Variants in KIAA1210 observed in about 807,000 individuals in gnomAD.
KIAA1210 encodes acrosomal protein KIAA1210.
In KIAA1210, 48 loss-of-function variants were observed where a neutral mutation model predicts 78.9. The observed-to-expected ratio is 0.61, with a 90% CI of 0.48 to 0.77. The LOEUF (loss-of-function observed/expected upper bound fraction) is 0.77, where lower values mean the gene tolerates loss of function less well. Among genes scored for constraint, KIAA1210 ranks in the 30% least tolerant of loss-of-function variants. KIAA1210 has a pLI of 0.00. For missense variants in KIAA1210, 1,108 were observed against 1,100.0 expected, an observed-to-expected ratio of 1.01 and a Z score of -0.10; for synonymous variants, 406 against 404.5, an observed-to-expected ratio of 1.00 and a Z score of -0.04.
chrX:119,109,158 A>G lies in KIAA1210; in HGVS notation c.275T>C (p.Ile92Thr), dbSNP rs1356566498. Reference protein sequence around the residue: ...MGSKALSHDSIFMLGPEPERS... With the variant: ...MGSKALSHDSTFMLGPEPERS... ...TTCAGGCTCAGGACCCAACATGAAG[A>G]TGCTATCATGGGATAGGGCTTTGCT... Residue 92 changes from isoleucine to threonine, a missense_variant, in exon 4 of 12, where the codon ATC becomes ACC. Coordinates refer to ENST00000691062, the MANE Select transcript of KIAA1210 (RefSeq NM_001394962.1). 8.3e-7 allele frequency: 1 copy of G among 1,205,160 alleles called. No homozygotes were observed. The highest frequency in any genetic ancestry group is 1.1e-6 in the Non-Finnish European group (1 of 892,307).
intron 2 of KIAA1210, among the ~76,000 whole-genome samples, chrX:119,135,393 A>G (rs1286956178): frequency 1.8e-5 from 2 of 112,074 alleles, no homozygotes; most frequent in African/African-American, 6.5e-5. Context: ...CTAGATACAT[A>G]TATTGTGATG....
At chrX:119,125,999 A>G (rs1039175660) in intron 1 of KIAA1210, among the ~76,000 whole-genome samples, 2 of 104,365 alleles carry the variant, frequency 1.9e-5, no homozygotes, top group African/African-American at 7.0e-5. Context: ...GCAAGCAGAG[A>G]CTTTGTGCCT....
chrX:119,088,717 G>T lies in KIAA1210; in HGVS notation c.1985C>A (p.Ser662Tyr), dbSNP rs749889066. The T allele has an allele frequency of 6.3e-5, 76 of 1,208,818 alleles. No homozygotes were observed. The highest frequency in any genetic ancestry group is 7.5e-5 in the Non-Finnish European group (67 of 894,655). ...ATCTTCAGGCTCCTCTAAAGCCTGGGAGAGGCATCTGAGGTCCAGCTCCTC... is the reference window on the plus strand; with the variant it reads ...ATCTTCAGGCTCCTCTAAAGCCTGGTAGAGGCATCTGAGGTCCAGCTCCTC... ...SEEELDLRCL[S>Y]QALEEPEDAE... Residue 662 changes from serine (S) to tyrosine (Y), a missense_variant, in exon 9 of 12, where the codon TCC (serine) becomes TAC (tyrosine). Physicochemically the swap from Ser to Tyr is moderately radical, Grantham distance 144. This residue lies in a region of KIAA1210 where 672 missense variants were observed against 607.1 expected (regional missense o/e 1.11). Transcript: ENST00000691062.
At chrX:119,149,869 T>C (rs1044379112) in intron 1 of KIAA1210, among the ~76,000 whole-genome samples, 2 of 111,038 alleles carry the variant, frequency 1.8e-5, no homozygotes, top group Admixed American at 1.9e-4. Context: ...TCCATCCCTC[T>C]CTCGGCCTTC....
At chrX:119,134,420 G>C (rs755518611) in intron 2 of KIAA1210, among the ~76,000 whole-genome samples, 1 of 112,199 alleles carries the variant, frequency 8.9e-6, no homozygotes, top group African/African-American at 3.2e-5. Flanking sequence ...CTACTGCGAT[G>C]GCACACTACT....
At chrX:119,096,356 C>T in intron 7 of KIAA1210, 138 bp downstream of exon 7, 4 of 528,549 alleles carry the variant, frequency 7.6e-6, no homozygotes, top group Non-Finnish European at 1.2e-5. Flanking sequence ...AAGCTTAGGA[C>T]AGCACCCTTG....
At chrX:119,147,251 G>A (rs1231738106) in intron 2 of KIAA1210, among the ~76,000 whole-genome samples, 1 of 111,349 alleles carries the variant, frequency 9.0e-6, no homozygotes, top group Non-Finnish European at 1.9e-5. Context: ...ATTCCAGGGG[G>A]CTGCTCAGGG....
In KIAA1210 at chrX:119,083,117, C is replaced by A. The variant is rs768753468; in HGVS notation, c.4324G>T (p.Ala1442Ser). 7 of 1,188,955 alleles carry A rather than the reference C, an allele frequency of 5.9e-6. No individual in the cohort carries two copies. The highest frequency in any genetic ancestry group is 7.9e-6 in the Non-Finnish European group (7 of 881,263). ...GGTTGGTTTTCATTTGCAGAGCCAG[C>A]TCCCTTTAATACAAAAATGAAAACA... ...AETKEPKYEG[A>S]GSANENQPKK... Residue 1442 changes from alanine (A) to serine (S), a missense_variant, in exon 11 of 12, where the codon GCT (alanine) becomes TCT (serine). Physicochemically the swap from Ala to Ser is moderately conservative, Grantham distance 99. Transcript: ENST00000691062.
At chrX:119,125,735 A>ATATATATATATATATATATATATATT (rs5903546) in intron 1 of KIAA1210, among the ~76,000 whole-genome samples, 1 of 15,792 alleles carries the variant, frequency 6.3e-5, no homozygotes, top group Non-Finnish European at 1.0e-4. Context: ...ATATATATAT[A>ATATATATATATATATATATATATATT]TTTTTTTTTT....
In KIAA1210 at chrX:119,088,116, T is replaced by C; in HGVS notation, c.2586A>G (p.Thr862=). 2 of 1,211,456 alleles carry C rather than the reference T, an allele frequency of 1.7e-6. No individual in the cohort carries two copies. The highest frequency in any genetic ancestry group is 2.3e-4 in the Middle Eastern group (1 of 4,354). ...CCACATAAGTGCCTTCCTCAACAGC[T>C]GTGCTTTCTGAGATTTGCCGGATTT... The part of the protein sequence containing the change: ...DPQIRQISES[T]AVEEGTYVEP... Residue 862 remains threonine (T), a synonymous_variant, in exon 9 of 12, where the codon ACA becomes ACG. Transcript: ENST00000691062.
chrX:119,108,102 A>T (rs1277550695), intron 5 of KIAA1210, among the ~76,000 whole-genome samples: 2 of 111,899 alleles, frequency 1.8e-5, no homozygotes, highest in African/African-American at 3.3e-5. Flanking sequence ...ATTTACTACC[A>T]GGGTGGGCTT....
chrX:119,137,329 A>G (rs1335200264), intron 2 of KIAA1210, among the ~76,000 whole-genome samples: 1 of 112,528 alleles, frequency 8.9e-6, no homozygotes, highest in African/African-American at 3.2e-5. Context: ...CTCCAGAGCC[A>G]ATAAGTGCTA....
rs1926958736 is a variant in KIAA1210, at chrX:119,081,376, T to C, written c.4555A>G (p.Arg1519Gly). The change falls in exon 12 of 12, where the codon AGG becomes GGG. Residue 1519 changes from arginine (R) to glycine (G), a missense_variant. Arg to Gly is a moderately radical substitution (Grantham distance 125). Around this residue, in one of 5 missense-constraint regions of KIAA1210, gnomAD observed 245 missense variants for 278.8 expected, o/e 0.88. Coordinates refer to ENST00000691062, the MANE Select transcript of KIAA1210 (RefSeq NM_001394962.1). ...TGGCTCCATGCTTTGGCTTTCTTCC[T>C]GGCCAGTGAGAACCAGACAGGCTCA... The part of the protein sequence containing the change: ...PIEPVWFSLA[R>G]KKAKAWSHMA... The C allele has an allele frequency of 8.3e-7, 1 of 1,209,409 alleles. No homozygotes were observed. The highest frequency in any genetic ancestry group is 1.8e-5 in the South Asian group (1 of 56,493).
In KIAA1210 at chrX:119,089,591, A is replaced by T; in HGVS notation, c.1111T>A (p.Leu371Met). The T allele has an allele frequency of 1.7e-6, 2 of 1,211,065 alleles. No homozygotes were observed. The highest frequency in any genetic ancestry group is 1.1e-6 in the Non-Finnish European group (1 of 895,278). ...CTTCCTTTGAATTCACACCCACTCA[A>T]TCCTGAAACACTTGCTCCTTTTCTT... ...WRRKGASVSGLSGCEFKGRSL... is the reference protein window; with the variant it reads ...WRRKGASVSGMSGCEFKGRSL... Residue 371 changes from leucine to methionine, a missense_variant, in exon 9 of 12, where the codon TTG (leucine) becomes ATG (methionine). Around this residue, in one of 5 missense-constraint regions of KIAA1210, gnomAD observed 672 missense variants for 607.1 expected, o/e 1.11. Transcript: ENST00000691062.
chrX:119,125,735 ATTTTT>A (rs1163974116), intron 1 of KIAA1210, among the ~76,000 whole-genome samples: 9 of 15,789 alleles, frequency 5.7e-4, no homozygotes, highest in Non-Finnish European at 6.1e-4. Flanking sequence ...ATATATATAT[ATTTTT>A]TTTTTTTTTT....
intron 2 of KIAA1210, among the ~76,000 whole-genome samples, chrX:119,120,215 C>A (rs778125981): frequency 1.2e-3 from 138 of 111,485 alleles, no homozygotes; most frequent in African/African-American, 4.4e-3. Flanking sequence ...CTACTGTGCC[C>A]AGACGATTTA....
Position 119,078,782 on chromosome X carries a change from A to G in KIAA1210, c.*2547T>C, listed in dbSNP as rs1303403218. The G allele has an allele frequency of 8.8e-6, 1 of 113,013 alleles. No homozygotes were observed. Among genetic ancestry groups the G allele is most frequent in the African/African-American group, 3.2e-5 (1 of 31,141 alleles). 9.3% of individuals were successfully genotyped at this position (113,013 alleles called of 1,213,427 possible). On this transcript the variant is annotated 3_prime_UTR_variant, in exon 12 of 12. Transcript: ENST00000691062. ...AGAACTTTGTTGTTAACTGTGGAAA[A>G]GAAATTGTTATTGGAGAGTTCTCAG...
At chrX:119,117,193 G>A (rs969759765) in intron 2 of KIAA1210, among the ~76,000 whole-genome samples, 5 of 112,502 alleles carry the variant, frequency 4.4e-5, no homozygotes, top group African/African-American at 9.7e-5. Context: ...CTCAAAGGAT[G>A]CAGACCCAAA....
intron 6 of KIAA1210, among the ~76,000 whole-genome samples, chrX:119,097,752 C>T (rs1927601525): frequency 9.0e-6 from 1 of 111,708 alleles, no homozygotes; most frequent in Admixed American, 9.5e-5. Flanking sequence ...GGGGACTTAA[C>T]GCAGTGCTAA....
Sources: gnomAD v4.1 joint callset for allele counts (sites outside exome capture counted in the v4.1 genomes callset) on GRCh38, gnomAD v4.1.1 for gene constraint, gnomAD v4.1.1 regional missense constraint, MANE v1.5 for transcripts, NCBI Gene and HGNC (gene_info 2026-07-23, HGNC 2026-07-21) for gene names.